Variants in RAMP1 observed in about 807,000 individuals in gnomAD.
The protein encoded by RAMP1 is receptor activity-modifying protein 1.
In RAMP1, 7 loss-of-function variants were observed where a neutral mutation model predicts 8.2. The ratio of observed to expected loss-of-function variants is 0.85; its 90% CI spans 0.49 to 1.60. The LOEUF is 1.60. RAMP1 is among the 40% of genes most tolerant of loss of function. The pLI, the probability that RAMP1 is intolerant of heterozygous loss-of-function variation, is 0.00. For synonymous variants in RAMP1, 92 were observed against 84.7 expected, an observed-to-expected ratio of 1.09 and a Z score of -0.47; for missense variants, 192 against 202.4, an observed-to-expected ratio of 0.95 and a Z score of 0.31.
chr2:237,911,433 C>G (rs2062711012), intron 2 of RAMP1, 95 bp from the exon 3 acceptor site: 2 of 1,510,728 alleles, frequency 1.3e-6, no homozygotes, highest in African/African-American at 2.7e-5. Context: ...AGCTTCAGGG[C>G]TGCATGAGGG....
At chr2:237,859,905 G>A (rs972919530) in intron 1 of RAMP1, 178 bp downstream of exon 1, 1 of 554,064 alleles carries the variant, frequency 1.8e-6, no homozygotes, top group Non-Finnish European at 2.9e-6. Flanking sequence ...AGGCCCCAGG[G>A]CACAGGGGAG....
At chr2:237,892,735 TTCTCTC>T (rs35656622) in intron 2 of RAMP1, among the ~76,000 whole-genome samples, 11 of 148,734 alleles carry the variant, frequency 7.4e-5, no homozygotes, top group South Asian at 4.3e-4. Flanking sequence ...GGGCTTCCTC[TTCTCTC>T]TCTCTCTCTC....
intron 2 of RAMP1, among the ~76,000 whole-genome samples, chr2:237,881,168 C>T (rs896121099): frequency 3.3e-5 from 5 of 152,198 alleles, no homozygotes; most frequent in African/African-American, 1.2e-4. Context: ...ATACTAGTGA[C>T]ACTCCTTTGT....
chr2:237,877,380 T>G lies in RAMP1; in HGVS notation c.191+18T>G. ...ACCATCAGGTGAGTCCCATGGCCCCTGGTGGGCAGGACACGGTTGGGGAGG... is the reference window on the plus strand; with the variant it reads ...ACCATCAGGTGAGTCCCATGGCCCCGGGTGGGCAGGACACGGTTGGGGAGG... On this transcript the variant is annotated intron_variant, in intron 2 of 2. Transcript: ENST00000254661. The surrounding 1 kb of genome is among the most constrained non-coding windows in gnomAD (Gnocchi z 4.4). 1.2e-6 allele frequency: 2 copies of G among 1,605,620 alleles called. No individual in the cohort carries two copies.
intron 2 of RAMP1, among the ~76,000 whole-genome samples, chr2:237,911,237 AT>A (rs11321617): frequency 0.47 from 71,717 of 152,104 alleles, 17,354 homozygotes; most frequent in Middle Eastern, 0.64. Context: ...TTCGGGCCTT[AT>A]TTGGCCACCC....
At chr2:237,864,551 A>G (rs1346412496) in intron 1 of RAMP1, among the ~76,000 whole-genome samples, 1 of 152,152 alleles carries the variant, frequency 6.6e-6, no homozygotes, top group African/African-American at 2.4e-5. Context: ...GGAAACACCC[A>G]TCTGCCACCT....
At chr2:237,869,700 T>C (rs1268005341) in intron 1 of RAMP1, among the ~76,000 whole-genome samples, 3 of 152,262 alleles carry the variant, frequency 2.0e-5, no homozygotes, top group Non-Finnish European at 4.4e-5. Context: ...CTGGCTGTTG[T>C]GAATCAGGCT....
rs114440281 is a variant in RAMP1 at position 237,874,400 on chromosome 2, G to C, written c.53-2824G>C. ...CGGCCTCCGCACGGGGACTGGCTCTGCAGGGCGGTTGTGCAGACCCCGCTT... is the reference window on the plus strand; with the variant it reads ...CGGCCTCCGCACGGGGACTGGCTCTCCAGGGCGGTTGTGCAGACCCCGCTT... On this transcript the variant is annotated intron_variant, in intron 1 of 2. Transcript: ENST00000254661. Among the ~76,000 whole-genome samples the C allele has an allele frequency of 6.8e-3, 1,030 of 152,368 alleles. 7 individuals are homozygous for C. The highest frequency in any genetic ancestry group is 0.024 in the African/African-American group (982 of 41,596).
At chr2:237,881,379 G>A (rs1304857225) in intron 2 of RAMP1, among the ~76,000 whole-genome samples, 1 of 152,224 alleles carries the variant, frequency 6.6e-6, no homozygotes, top group Non-Finnish European at 1.5e-5. Context: ...CAGCATCGAC[G>A]TGGATGGCCT....
Position 237,862,450 on chromosome 2 carries a change from C to T in RAMP1, c.52+2723C>T, listed in dbSNP as rs1490852686. On this transcript the variant is annotated intron_variant, in intron 1 of 2. Transcript: ENST00000254661. The surrounding 1 kb of genome is among the most constrained non-coding windows in gnomAD (Gnocchi z 4.0). Reference sequence around the variant, plus strand: ...CAGGGCTGTTGAGAAACATTTATATCCACAGTGCAAATGGTAGATTCAGCT... The same window carrying T: ...CAGGGCTGTTGAGAAACATTTATATTCACAGTGCAAATGGTAGATTCAGCT... Among the ~76,000 whole-genome samples, 1 of 152,184 alleles carries T rather than the reference C, an allele frequency of 6.6e-6. No individual in the cohort carries two copies. The highest frequency in any genetic ancestry group is 6.5e-5 in the Admixed American group (1 of 15,274).
At chr2:237,883,692 T>G (rs1035335298) in intron 2 of RAMP1, among the ~76,000 whole-genome samples, 3 of 151,824 alleles carry the variant, frequency 2.0e-5, no homozygotes, top group Non-Finnish European at 4.4e-5. Flanking sequence ...GTTGGACACC[T>G]GTAGACCCAG....
chr2:237,872,835 C>T (rs996978748), intron 1 of RAMP1, among the ~76,000 whole-genome samples: 2 of 152,180 alleles, frequency 1.3e-5, no homozygotes, highest in Non-Finnish European at 1.5e-5. Flanking sequence ...GCCTGGACAA[C>T]GTGGGGAAAC....
intron 2 of RAMP1, among the ~76,000 whole-genome samples, chr2:237,886,160 G>A (rs1301637441): frequency 2.0e-5 from 3 of 152,172 alleles, no homozygotes; most frequent in African/African-American, 7.2e-5. Context: ...AGCTGTCCAG[G>A]GCTGGGCAGA....
intron 2 of RAMP1, among the ~76,000 whole-genome samples, chr2:237,884,029 C>G (rs1249648068): frequency 6.6e-6 from 1 of 151,236 alleles, no homozygotes; most frequent in African/African-American, 2.4e-5. Flanking sequence ...TTCCGACAGC[C>G]CTTGCCCTGA....
chr2:237,881,572 C>T (rs1225217812), intron 2 of RAMP1, among the ~76,000 whole-genome samples: 1 of 152,248 alleles, frequency 6.6e-6, no homozygotes, highest in Non-Finnish European at 1.5e-5. Context: ...CCCAGACCCA[C>T]CAACAGACTG....
intron 2 of RAMP1, among the ~76,000 whole-genome samples, chr2:237,905,125 AGC>A (rs1343327290): frequency 1.3e-5 from 2 of 152,194 alleles, no homozygotes; most frequent in Non-Finnish European, 2.9e-5. Context: ...AGAAGGTCCT[AGC>A]CAAAAAAGGA....
intron 2 of RAMP1, among the ~76,000 whole-genome samples, chr2:237,891,570 T>C (rs2062489031): frequency 6.6e-6 from 1 of 152,262 alleles, no homozygotes; most frequent in African/African-American, 2.4e-5. Context: ...TTAATCTCTT[T>C]TTTTGCCGTA....
At chr2:237,890,928 CT>C (rs2062481538) in intron 2 of RAMP1, among the ~76,000 whole-genome samples, 1 of 152,248 alleles carries the variant, frequency 6.6e-6, no homozygotes, top group Admixed American at 6.5e-5. Context: ...ATCACCGTGT[CT>C]TTTCTCAGTT....
At chr2:237,904,157 T>TA (rs2062632372) in intron 2 of RAMP1, among the ~76,000 whole-genome samples, 1 of 152,048 alleles carries the variant, frequency 6.6e-6, no homozygotes, top group African/African-American at 2.4e-5. Context: ...CTCACGCCTG[T>TA]AATCCCAGCA....
Sources: gnomAD v4.1 joint callset for allele counts (sites outside exome capture counted in the v4.1 genomes callset) on GRCh38, gnomAD v4.1.1 for gene constraint, Gnocchi (gnomAD v3.1) non-coding constraint, MANE v1.5 for transcripts, NCBI Gene and HGNC (gene_info 2026-07-23, HGNC 2026-07-21) for gene names.